ATG5: variants seen among roughly 807,000 people sequenced by gnomAD.
The protein encoded by ATG5 is autophagy protein 5.
ATG5 carries 14 observed loss-of-function variants against 36.5 expected under a neutral mutation model. The observed-to-expected ratio is 0.38, with a 90% confidence interval of 0.25 to 0.60. The LOEUF is 0.60. ATG5 is among the 20% of genes least tolerant of loss of function. ATG5 has a pLI of 0.60. For synonymous variants in ATG5, 95 were observed against 101.5 expected (o/e 0.94, Z 0.38); for missense variants, 195 against 326.7 (o/e 0.60, Z 3.11).
chr6:106,293,481 A>G (rs539665453), intron 3 of ATG5, among the ~76,000 whole-genome samples: 1 of 152,344 alleles, frequency 6.6e-6, no homozygotes, highest in South Asian at 2.1e-4. Context: ...TTTAGAACTT[A>G]AAATTTTAAA....
chr6:106,274,445 A>T (rs894679071), intron 5 of ATG5, among the ~76,000 whole-genome samples: 1 of 152,206 alleles, frequency 6.6e-6, no homozygotes, highest in African/African-American at 2.4e-5. Context: ...TAAAATTAGC[A>T]TTTGAAAGTA....
At chr6:106,218,986 T>G (rs1301381634) in intron 6 of ATG5, among the ~76,000 whole-genome samples, 1 of 150,184 alleles carries the variant, frequency 6.7e-6, no homozygotes, top group African/African-American at 2.5e-5. Flanking sequence ...GGAGGAAAAG[T>G]GGGAGAAAAA....
At chr6:106,255,334 G>A (rs1390598057) in intron 5 of ATG5, among the ~76,000 whole-genome samples, 1 of 152,222 alleles carries the variant, frequency 6.6e-6, no homozygotes, top group Non-Finnish European at 1.5e-5. Flanking sequence ...GAAAAGATGA[G>A]AGGTTCACAA....
intron 5 of ATG5, among the ~76,000 whole-genome samples, chr6:106,257,024 T>G (rs1395992700): frequency 6.6e-6 from 1 of 152,240 alleles, no homozygotes; most frequent in Non-Finnish European, 1.5e-5. Context: ...TCTATGAAAC[T>G]TATTTAAAAA....
intron 5 of ATG5, among the ~76,000 whole-genome samples, chr6:106,266,779 A>G (rs1057292676): frequency 2.6e-5 from 4 of 152,240 alleles, no homozygotes; most frequent in African/African-American, 9.6e-5. Flanking sequence ...GATGCAGAAA[A>G]GGCCTTAGGT....
chr6:106,279,839 A>C lies in ATG5; in HGVS notation c.316-16T>G. The C allele has an allele frequency of 6.9e-7, 1 of 1,456,778 alleles. No homozygotes were observed. Among genetic ancestry groups the C allele is most frequent in the Non-Finnish European group, 9.2e-7 (1 of 1,090,508 alleles). The allele number at this position is 1,456,778 out of a possible 1,614,324, so 90.2% of individuals were successfully genotyped here. Reference sequence around the variant, plus strand: ...CTGGAAAACTCTATCAAAGGAAAAAATATACATATAAAACAGGATACACAC... The same window carrying C: ...CTGGAAAACTCTATCAAAGGAAAAACTATACATATAAAACAGGATACACAC... On this transcript the variant is annotated splice_polypyrimidine_tract_variant and intron_variant, in intron 4 of 7. Coordinates refer to ENST00000369076, the MANE Select transcript of ATG5 (RefSeq NM_004849.4).
chr6:106,239,237 A>G (rs1016920963), intron 6 of ATG5, among the ~76,000 whole-genome samples: 3 of 152,288 alleles, frequency 2.0e-5, no homozygotes, highest in South Asian at 2.1e-4. Flanking sequence ...CTAGAAATGG[A>G]AACAAAATAA....
intron 1 of ATG5, among the ~76,000 whole-genome samples, chr6:106,324,850 G>A (rs1039322301): frequency 3.3e-5 from 5 of 152,308 alleles, no homozygotes; most frequent in Non-Finnish European, 4.4e-5. Flanking sequence ...TCAGAGCCAA[G>A]TATCCAGTTT....
chr6:106,272,547 ACTCT>A (rs1213739990), intron 5 of ATG5, among the ~76,000 whole-genome samples: 200 of 151,724 alleles, frequency 1.3e-3, no homozygotes, highest in Non-Finnish European at 6.2e-4. Flanking sequence ...CAACCACACC[ACTCT>A]CTCTAGCCCT....
chr6:106,316,341 T>A, intron 1 of ATG5, 75 bp from the exon 2 acceptor site: 2 of 505,450 alleles, frequency 4.0e-6, no homozygotes, highest in Non-Finnish European at 6.6e-6. Context: ...AAAGATTATT[T>A]TAAAAAATCC....
Position 106,290,190 on chromosome 6 carries a change from CTTATT to C in ATG5, c.315+2833_315+2837del, listed in dbSNP as rs760405075. Reference sequence around the variant, plus strand: ...TAGAGGTGCATGCCACCATACTTGGCTTATTTTATTTTATTTTATTTTATTTATTT... The same window carrying C: ...TAGAGGTGCATGCCACCATACTTGGCTTATTTTATTTTATTTTATTTATTT... On this transcript the variant is annotated intron_variant, in intron 4 of 7. Coordinates refer to ENST00000369076, the MANE Select transcript of ATG5 (RefSeq NM_004849.4). Among the ~76,000 whole-genome samples the C allele has an allele frequency of 6.5e-4, 97 of 149,002 alleles. 3 individuals are homozygous for C. The highest frequency in any genetic ancestry group is 2.0e-4 in the East Asian group (1 of 5,086).
intron 7 of ATG5, among the ~76,000 whole-genome samples, chr6:106,199,863 A>G (rs983695053): frequency 2.0e-5 from 3 of 152,214 alleles, no homozygotes; most frequent in African/African-American, 7.2e-5. Flanking sequence ...CCCTAGCACT[A>G]GAGATACATG....
At chr6:106,324,893 G>A (rs1345671667) in intron 1 of ATG5, among the ~76,000 whole-genome samples, 2 of 152,166 alleles carry the variant, frequency 1.3e-5, no homozygotes, top group Non-Finnish European at 2.9e-5. Context: ...GCCAATTCTG[G>A]AAGGCTTTGG....
At chr6:106,322,033 T>C (rs554004645) in intron 1 of ATG5, among the ~76,000 whole-genome samples, 32 of 152,316 alleles carry the variant, frequency 2.1e-4, no homozygotes, top group Admixed American at 1.5e-3. Context: ...TAGAAAGATT[T>C]TCCCTCTCCT....
intron 5 of ATG5, among the ~76,000 whole-genome samples, chr6:106,272,016 C>G (rs1221307539): frequency 9.9e-5 from 15 of 152,200 alleles, no homozygotes. Flanking sequence ...GTCATCCAAT[C>G]AGTGAGGACT....
At chr6:106,295,306 T>C (rs1025216860) in intron 3 of ATG5, among the ~76,000 whole-genome samples, 1 of 152,186 alleles carries the variant, frequency 6.6e-6, no homozygotes, top group Non-Finnish European at 1.5e-5. Context: ...TTGGATTTCA[T>C]TAAAAAGACT....
intron 5 of ATG5, among the ~76,000 whole-genome samples, chr6:106,267,144 G>A (rs943569381): frequency 1.3e-5 from 2 of 152,174 alleles, no homozygotes; most frequent in Non-Finnish European, 2.9e-5. Flanking sequence ...CTTCAGCAAA[G>A]TCTCAGCATA....
At chr6:106,226,554 A>G (rs1777460516) in intron 6 of ATG5, among the ~76,000 whole-genome samples, 1 of 152,198 alleles carries the variant, frequency 6.6e-6, no homozygotes, top group Admixed American at 6.5e-5. Flanking sequence ...AGTTTATCTA[A>G]AGAACTACAG....
chr6:106,193,068 T>C (rs2114319558), intron 7 of ATG5, among the ~76,000 whole-genome samples: 1 of 152,286 alleles, frequency 6.6e-6, no homozygotes, highest in Middle Eastern at 3.4e-3. Context: ...CAATTAATCT[T>C]GGACAGAAAT....
Sources: gnomAD v4.1 joint callset for allele counts (sites outside exome capture counted in the v4.1 genomes callset) on GRCh38, gnomAD v4.1.1 for gene constraint, MANE v1.5 for transcripts, NCBI Gene and HGNC (gene_info 2026-07-23, HGNC 2026-07-21) for gene names.